SLC7A14: variants seen among roughly 807,000 people sequenced by gnomAD.
SLC7A14 encodes gamma-aminobutyric acid transporter SLC7A14.
SLC7A14 carries 37 observed loss-of-function variants against 60.2 expected under a neutral mutation model. That is an observed-to-expected ratio of 0.61 (90% CI 0.47 to 0.81). SLC7A14 has a LOEUF of 0.81. Among genes scored for constraint, SLC7A14 ranks in the 30% least tolerant of loss-of-function variants. The probability of loss-of-function intolerance (pLI) is 0.00; values close to 1 mark genes in which losing one functional copy is unlikely to be tolerated. For synonymous variants in SLC7A14, 399 were observed against 395.8 expected, an observed-to-expected ratio of 1.01 and a Z score of -0.10; for missense variants, 886 against 982.7, an observed-to-expected ratio of 0.90 and a Z score of 1.32.
intron 1 of SLC7A14, among the ~76,000 whole-genome samples, chr3:170,538,935 G>A (rs1330431456): frequency 1.3e-5 from 2 of 152,162 alleles, no homozygotes; most frequent in Non-Finnish European, 2.9e-5. Flanking sequence ...GTCATTAAAT[G>A]TGTGTTAACC....
chr3:170,460,614 A>C lies in SLC7A14; in HGVS notation c.*6441T>G, dbSNP rs1452575990. ...CACAGTCCTTTAAAGTCTGCACTGC[A>C]GGTGAAATTCACATGACTCACAATT... On this transcript the variant is annotated 3_prime_UTR_variant, in exon 8 of 8. Transcript: ENST00000231706. 5.9e-5 allele frequency: 9 copies of C among 152,196 alleles called. No individual in the cohort carries two copies. Among genetic ancestry groups the C allele is most frequent in the Admixed American group, 3.9e-4 (6 of 15,278 alleles). The allele number at this position is 152,196 out of a possible 1,614,324, so 9.4% of individuals were successfully genotyped here.
At chr3:170,564,453 C>G (rs139420912) in intron 1 of SLC7A14, among the ~76,000 whole-genome samples, 88 of 152,344 alleles carry the variant, frequency 5.8e-4, no homozygotes, top group Middle Eastern at 3.4e-3. Flanking sequence ...AAAAGATGTG[C>G]CCAGGGTCAT....
At chr3:170,549,461 G>A (rs1054087759) in intron 1 of SLC7A14, among the ~76,000 whole-genome samples, 7 of 152,106 alleles carry the variant, frequency 4.6e-5, no homozygotes, top group South Asian at 2.1e-4. Flanking sequence ...GATTGCACCC[G>A]CCTCGGCCTC....
At chr3:170,477,315 A>C (rs1339628073) in intron 7 of SLC7A14, among the ~76,000 whole-genome samples, 3 of 152,218 alleles carry the variant, frequency 2.0e-5, no homozygotes, top group Non-Finnish European at 4.4e-5. Context: ...GGTGGACTAC[A>C]TCTGTATTTC....
At chr3:170,467,636 C>T (rs553381876) in intron 7 of SLC7A14, among the ~76,000 whole-genome samples, 1 of 152,294 alleles carries the variant, frequency 6.6e-6, no homozygotes, top group East Asian at 1.9e-4. Flanking sequence ...AACACTGCAT[C>T]CACATTTCTA....
chr3:170,537,533 C>T (rs1560273540), intron 1 of SLC7A14, among the ~76,000 whole-genome samples: 1 of 152,336 alleles, frequency 6.6e-6, no homozygotes, highest in Admixed American at 6.5e-5. Flanking sequence ...TGTCTCTCTT[C>T]GTATTTCTGT....
At position 170,469,836 on chromosome 3, in the gene SLC7A14, C is replaced by T. The variant is rs139406442; in HGVS notation, c.1994-2459G>A. Reference sequence around the variant, plus strand: ...ACTCATTTCCCTACTGAACTTAATACCATCTTTTTCTTTTCCCTTTGCCCC... The same window carrying T: ...ACTCATTTCCCTACTGAACTTAATATCATCTTTTTCTTTTCCCTTTGCCCC... On this transcript the variant is annotated intron_variant, in intron 7 of 7. Coordinates refer to ENST00000231706, the MANE Select transcript of SLC7A14 (RefSeq NM_020949.3). Among the ~76,000 whole-genome samples the T allele has an allele frequency of 6.6e-5, 10 of 152,200 alleles. No individual in the cohort carries two copies. In the East Asian group the frequency reaches 1.9e-3, roughly 29 times the overall value.
At position 170,532,834 on chromosome 3, in the gene SLC7A14, A is replaced by AC. The variant is rs972352648; in HGVS notation, c.-152-5747dup. On this transcript the variant is annotated intron_variant, in intron 1 of 7. Transcript: ENST00000231706. The surrounding 1 kb of genome is among the most constrained non-coding windows in gnomAD (Gnocchi z 4.0). ...GGTTTCTCCTGGCTGCAGCCTGTGC[A>AC]CCTGGTACTTCCACTCCAAGGGATT... Among the ~76,000 whole-genome samples, 4 of 152,132 alleles carry AC rather than the reference A, an allele frequency of 2.6e-5. No individual in the cohort carries two copies. Among genetic ancestry groups the AC allele is most frequent in the African/African-American group, 9.7e-5 (4 of 41,422 alleles).
Position 170,498,797 on chromosome 3 carries a change from G to T in SLC7A14, c.629C>A (p.Ser210Tyr). Residue 210 changes from serine (S) to tyrosine (Y), a missense_variant, in exon 4 of 8, where the codon TCC becomes TAC. By Grantham distance (144) the Ser-to-Tyr change is moderately radical. Transcript: ENST00000231706. ...TIIVALGVKN[S>Y]IGFNNVLNVL... ...ATTGAGAACATTGTTGAAGCCTATGGAATTCTTCACCCCCAGAGCAACAAT... is the reference window on the plus strand; with the variant it reads ...ATTGAGAACATTGTTGAAGCCTATGTAATTCTTCACCCCCAGAGCAACAAT... 6.2e-7 allele frequency: 1 copy of T among 1,614,172 alleles called. No homozygotes were observed. Among genetic ancestry groups the T allele is most frequent in the Non-Finnish European group, 8.5e-7 (1 of 1,180,038 alleles).
At chr3:170,473,744 T>G (rs565786550) in intron 7 of SLC7A14, among the ~76,000 whole-genome samples, 1 of 152,142 alleles carries the variant, frequency 6.6e-6, no homozygotes, top group South Asian at 2.1e-4. Context: ...ACAACAAGGC[T>G]TGTTTAATAT....
intron 1 of SLC7A14, among the ~76,000 whole-genome samples, chr3:170,543,572 C>T (rs941186575): frequency 6.6e-6 from 1 of 151,532 alleles, no homozygotes; most frequent in African/African-American, 2.4e-5. Context: ...TCGCTTGAAC[C>T]CCAGAGGTTG....
chr3:170,520,704 T>C (rs1301760283), intron 2 of SLC7A14, among the ~76,000 whole-genome samples: 5 of 152,226 alleles, frequency 3.3e-5, no homozygotes, highest in Non-Finnish European at 7.3e-5. Context: ...AGGGTTATTA[T>C]AGACAGTGTA....
Position 170,545,301 on chromosome 3 carries a change from AC to A in SLC7A14, c.-152-18214del, listed in dbSNP as rs150142118. ...TCACCAGCAGTGAACGCCTCCCCCA[AC>A]CCCTCTGCCATCTACTCTTGGCTCT... On this transcript the variant is annotated intron_variant, in intron 1 of 7. Coordinates refer to ENST00000231706, the MANE Select transcript of SLC7A14 (RefSeq NM_020949.3). Among the ~76,000 whole-genome samples the A allele has an allele frequency of 3.8e-3, 575 of 151,982 alleles. 7 individuals are homozygous for A. Among genetic ancestry groups the A allele is most frequent in the African/African-American group, 0.013 (554 of 41,450 alleles).
intron 1 of SLC7A14, among the ~76,000 whole-genome samples, chr3:170,543,646 A>G (rs1029757958): frequency 3.3e-5 from 5 of 152,042 alleles, no homozygotes; most frequent in Admixed American, 1.3e-4. Flanking sequence ...TCCATCTCAA[A>G]AGAAAAAAAA....
In SLC7A14 at chr3:170,467,325, G is replaced by A. The variant is rs1421324353; in HGVS notation, c.2046C>T (p.Ser682=). The A allele has an allele frequency of 8.7e-6, 14 of 1,612,970 alleles. No individual in the cohort carries two copies. The highest frequency in any genetic ancestry group is 1.3e-5 in the African/African-American group (1 of 74,852). Residue 682 remains serine, a synonymous_variant, in exon 8 of 8, where the codon AGC becomes AGT. Coordinates refer to ENST00000231706, the MANE Select transcript of SLC7A14 (RefSeq NM_020949.3). The part of the protein sequence containing the change: ...YGIWNSTLEI[S]AREEALHQST... ...TTTGGTGCAGGGCCTCTTCTCGAGC[G>A]CTGATTTCCAGGGTGCTGTTCCAGA...
chr3:170,508,131 T>G (rs577154308), intron 2 of SLC7A14, among the ~76,000 whole-genome samples: 2 of 152,324 alleles, frequency 1.3e-5, no homozygotes, highest in Admixed American at 6.5e-5. Context: ...TCTCTATGTA[T>G]CTATATCAGC....
rs998823196 is a variant in SLC7A14, at chr3:170,464,581, G to T, written c.*2474C>A. On this transcript the variant is annotated 3_prime_UTR_variant, in exon 8 of 8. Coordinates refer to ENST00000231706, the MANE Select transcript of SLC7A14 (RefSeq NM_020949.3). ...TTTTTTTTTAAAACTAAGGTTGCTA[G>T]GGAGGTGATTTATCAACTTTAGAAA... 6.6e-6 allele frequency: 1 copy of T among 152,046 alleles called. No individual in the cohort carries two copies. Among genetic ancestry groups the T allele is most frequent in the Admixed American group, 6.6e-5 (1 of 15,262 alleles). The allele number at this position is 152,046 out of a possible 1,614,324, so 9.4% of individuals were successfully genotyped here.
At chr3:170,492,536 T>C (rs1000742447) in intron 4 of SLC7A14, among the ~76,000 whole-genome samples, 3 of 152,126 alleles carry the variant, frequency 2.0e-5, no homozygotes, top group African/African-American at 7.2e-5. Context: ...TATTTGATGA[T>C]ATAGCTGAGA....
chr3:170,560,410 A>C (rs999100474), intron 1 of SLC7A14, among the ~76,000 whole-genome samples: 2 of 152,216 alleles, frequency 1.3e-5, no homozygotes, highest in Non-Finnish European at 2.9e-5. Flanking sequence ...GAAAAAAGGC[A>C]AACAATATGG....
Sources: allele counts gnomAD v4.1 joint callset (sites outside exome capture counted in the v4.1 genomes callset), GRCh38; gene constraint gnomAD v4.1.1; non-coding constraint Gnocchi (gnomAD v3.1); transcripts MANE v1.5; gene names NCBI Gene and HGNC (gene_info 2026-07-23, HGNC 2026-07-21).